IQCH: variants seen among roughly 807,000 people sequenced by gnomAD.
IQCH encodes IQ domain-containing protein H.
In IQCH, 98 loss-of-function variants were observed where a neutral mutation model predicts 117.0. The ratio of observed to expected loss-of-function variants is 0.84; its 90% CI spans 0.71 to 0.99. The LOEUF (loss-of-function observed/expected upper bound fraction) is 0.99. IQCH is among the 50% of genes least tolerant of loss of function. The pLI, the probability that IQCH is intolerant of heterozygous loss-of-function variation, is 0.00. For synonymous variants in IQCH, 412 were observed against 448.2 expected (o/e 0.92, Z 1.02); for missense variants, 1,102 against 1,243.8 (o/e 0.89, Z 1.72).
intron 4 of IQCH, among the ~76,000 whole-genome samples, chr15:67,319,804 T>A (rs1040977940): frequency 6.6e-6 from 1 of 152,214 alleles, no homozygotes; most frequent in Non-Finnish European, 1.5e-5. Context: ...ATATATTTTA[T>A]TTTGACAATC....
rs60266453 is a variant in IQCH at position 67,490,395 on chromosome 15, G to A, written c.2861+331G>A. Among the ~76,000 whole-genome samples the A allele has an allele frequency of 0.075, 11,365 of 151,940 alleles. 583 individuals carry two copies. Among genetic ancestry groups the A allele is most frequent in the East Asian group, 0.13 (680 of 5,148 alleles). ...TAATTTTTGTATTTTTAGTAGAGACGGGGTTTCATCATGTTGGCCAGGATG... is the reference window on the plus strand; with the variant it reads ...TAATTTTTGTATTTTTAGTAGAGACAGGGTTTCATCATGTTGGCCAGGATG... On this transcript the variant is annotated intron_variant, in intron 19 of 20. Coordinates refer to ENST00000335894, the MANE Select transcript of IQCH (RefSeq NM_001031715.3). The surrounding 1 kb of genome is among the most constrained non-coding windows in gnomAD (Gnocchi z 4.9).
At chr15:67,278,431 A>G (rs1483201639) in intron 3 of IQCH, among the ~76,000 whole-genome samples, 1 of 152,192 alleles carries the variant, frequency 6.6e-6, no homozygotes, top group Admixed American at 6.5e-5. Flanking sequence ...AAATTTGTCA[A>G]TTAGAGCTGA....
At position 67,401,007 on chromosome 15, in the gene IQCH, T is replaced by G. The variant is rs1419913164; in HGVS notation, c.2097+702T>G. Among the ~76,000 whole-genome samples the G allele has an allele frequency of 6.6e-6, 1 of 152,208 alleles. No individual in the cohort carries two copies. The highest frequency in any genetic ancestry group is 1.5e-5 in the Non-Finnish European group (1 of 68,038). The stretch of plus-strand genomic sequence containing the variant: ...ATGAGATAGAAATTCTATTAGTGAA[T>G]TGTTGTCACCTGGAAGCTAATGTAT... On this transcript the variant is annotated intron_variant, in intron 14 of 20. Transcript: ENST00000335894. The surrounding 1 kb of genome is among the most constrained non-coding windows in gnomAD (Gnocchi z 4.7).
rs1334495260 is a variant in IQCH, at chr15:67,474,190, A to G, written c.2677-1506A>G. Among the ~76,000 whole-genome samples the G allele has an allele frequency of 1.3e-5, 2 of 151,894 alleles. No individual in the cohort carries two copies. The highest frequency in any genetic ancestry group is 4.8e-5 in the African/African-American group (2 of 41,320). ...AGCCCCAGTTCCCTTGCGTTATCTC[A>G]GAGACAGGAGGCGAGCCAGAGGCCT... is the stretch of plus-strand genomic sequence containing the variant. On this transcript the variant is annotated intron_variant, in intron 17 of 20. Coordinates refer to ENST00000335894, the MANE Select transcript of IQCH (RefSeq NM_001031715.3). The surrounding 1 kb of genome is among the most constrained non-coding windows in gnomAD (Gnocchi z 4.1).
chr15:67,439,534 A>C lies in IQCH; in HGVS notation c.2505+17957A>C, dbSNP rs190554769. On this transcript the variant is annotated intron_variant, in intron 16 of 20. Transcript: ENST00000335894. ...AGAAAGGAAATTACCCAGCAGAAGA[A>C]AGGAAATTACCAAGATCAGAGCAGA... 6.0e-3 allele frequency among the ~76,000 whole-genome samples: 916 copies of C among 152,230 alleles called. 4 individuals are homozygous for C. The highest frequency in any genetic ancestry group is 0.01 in the Middle Eastern group (3 of 294).
At chr15:67,497,769 C>T (rs1275904769) in intron 20 of IQCH, among the ~76,000 whole-genome samples, 7 of 152,078 alleles carry the variant, frequency 4.6e-5, no homozygotes, top group East Asian at 3.9e-4. Flanking sequence ...GGATTACAGC[C>T]GTGAACCACC....
In IQCH at chr15:67,466,566, T is replaced by A. The variant is rs1195833251; in HGVS notation, c.2676+1269T>A. ...TCTGGATTTGAATAACCTTTGACTC[T>A]TCCCAGGATCTCTGCAGTCACCATA... On this transcript the variant is annotated intron_variant, in intron 17 of 20. Coordinates refer to ENST00000335894, the MANE Select transcript of IQCH (RefSeq NM_001031715.3). The surrounding 1 kb of genome is among the most constrained non-coding windows in gnomAD (Gnocchi z 4.4). 6.6e-6 allele frequency: 1 copy of A among 152,184 alleles called. No individual in the cohort carries two copies. Among genetic ancestry groups the A allele is most frequent in the Non-Finnish European group, 1.5e-5 (1 of 68,044 alleles). The allele number at this position is 152,184 out of a possible 1,614,324, so 9.4% of individuals were successfully genotyped here.
At chr15:67,464,081 G>A (rs1017125036) in intron 16 of IQCH, among the ~76,000 whole-genome samples, 3 of 152,078 alleles carry the variant, frequency 2.0e-5, no homozygotes, top group South Asian at 2.1e-4. Context: ...CTCCCACCTC[G>A]GCCTCCCAAA....
At chr15:67,402,665 A>G (rs1971712825) in intron 14 of IQCH, among the ~76,000 whole-genome samples, 1 of 152,234 alleles carries the variant, frequency 6.6e-6, no homozygotes, top group Non-Finnish European at 1.5e-5. Flanking sequence ...CTTCTTGATG[A>G]AAGACTATCC....
chr15:67,310,802 A>T (rs936968603), intron 4 of IQCH, among the ~76,000 whole-genome samples: 7 of 152,174 alleles, frequency 4.6e-5, no homozygotes, highest in Non-Finnish European at 7.4e-5. Flanking sequence ...TAATGTCAAA[A>T]TTTGGACTCA....
intron 16 of IQCH, among the ~76,000 whole-genome samples, chr15:67,442,865 TATAC>T (rs770840969): frequency 2.2e-4 from 28 of 127,966 alleles, no homozygotes; most frequent in African/African-American, 5.2e-4. Flanking sequence ...GATAGATAGA[TATAC>T]ATATATATAT....
intron 16 of IQCH, among the ~76,000 whole-genome samples, chr15:67,437,112 T>C (rs2082157788): frequency 6.6e-6 from 1 of 152,104 alleles, no homozygotes; most frequent in African/African-American, 2.4e-5. Context: ...AAATAGAGCA[T>C]TAAACTACCA....
In IQCH at chr15:67,372,477, A is replaced by G. The variant is rs1345166287; in HGVS notation, c.1120A>G (p.Met374Val). The stretch of plus-strand genomic sequence containing the variant: ...CCAAGATGGAAATTCGGAGGCCGCC[A>G]TGAAGATCCAAGCCACATGGAAATG... ...KGQDGNSEAA[M>V]KIQATWKCYK... The change falls in exon 9 of 21, where the codon ATG becomes GTG. Residue 374 changes from methionine to valine, a missense_variant. By Grantham distance (21) the Met-to-Val change is conservative. Coordinates refer to ENST00000335894, the MANE Select transcript of IQCH (RefSeq NM_001031715.3). 6.2e-7 allele frequency: 1 copy of G among 1,614,080 alleles called. No homozygotes were observed. Among genetic ancestry groups the G allele is most frequent in the South Asian group, 1.1e-5 (1 of 91,064 alleles).
chr15:67,471,437 T>C (rs2083069553), intron 17 of IQCH, among the ~76,000 whole-genome samples: 2 of 152,174 alleles, frequency 1.3e-5, no homozygotes, highest in Admixed American at 1.3e-4. Flanking sequence ...ATGAGCTTAT[T>C]TGATCCCCAT....
At chr15:67,333,569 CTT>C (rs760294206) in intron 4 of IQCH, among the ~76,000 whole-genome samples, 1 of 152,026 alleles carries the variant, frequency 6.6e-6, no homozygotes, top group Non-Finnish European at 1.5e-5. Flanking sequence ...AAACTTTTGT[CTT>C]TTGTATTTCT....
chr15:67,454,450 A>G lies in IQCH; in HGVS notation c.2506-10677A>G, dbSNP rs755292186. Among the ~76,000 whole-genome samples the G allele has an allele frequency of 6.6e-6, 1 of 152,196 alleles. No individual in the cohort carries two copies. Among genetic ancestry groups the G allele is most frequent in the Non-Finnish European group, 1.5e-5 (1 of 68,036 alleles). On this transcript the variant is annotated intron_variant, in intron 16 of 20. Coordinates refer to ENST00000335894, the MANE Select transcript of IQCH (RefSeq NM_001031715.3). This position sits in a 1 kb window ranked among gnomAD's most constrained non-coding sequence, Gnocchi z 5.2. ...CAAAATTCACACTTTTAAAATATACATTACAATGGTTTTTAGTATATTCAC... is the reference window on the plus strand; with the variant it reads ...CAAAATTCACACTTTTAAAATATACGTTACAATGGTTTTTAGTATATTCAC...
At chr15:67,327,579 T>C (rs1389023678) in intron 4 of IQCH, among the ~76,000 whole-genome samples, 1 of 152,230 alleles carries the variant, frequency 6.6e-6, no homozygotes, top group Non-Finnish European at 1.5e-5. Context: ...GAACTTTTAT[T>C]GTTATGAACA....
chr15:67,254,963 C>T lies in IQCH; in HGVS notation c.51+16C>T, dbSNP rs3743347. On this transcript the variant is annotated intron_variant, in intron 1 of 20. Coordinates refer to ENST00000335894, the MANE Select transcript of IQCH (RefSeq NM_001031715.3). Reference sequence around the variant, plus strand: ...CTTAATCCAGGTGGGAAACGGGCTTCCCCCGGCCCTGCCCTGCCCAGCCGC... The same window carrying T: ...CTTAATCCAGGTGGGAAACGGGCTTTCCCCGGCCCTGCCCTGCCCAGCCGC... The T allele has an allele frequency of 1.9e-6, 3 of 1,608,712 alleles. No homozygotes were observed. The African/African-American group carries it at 4.0e-5, about 22-fold the overall frequency.
chr15:67,387,438 C>T lies in IQCH; in HGVS notation c.1457-1393C>T, dbSNP rs1971142410. On this transcript the variant is annotated intron_variant, in intron 11 of 20. Coordinates refer to ENST00000335894, the MANE Select transcript of IQCH (RefSeq NM_001031715.3). The surrounding 1 kb of genome is among the most constrained non-coding windows in gnomAD (Gnocchi z 4.8). ...TTGAGTGACTCCTACATACTCCACA[C>T]TGTGCCAGGGCTTAGGGGAATATAA... Among the ~76,000 whole-genome samples, 1 of 152,146 alleles carries T rather than the reference C, an allele frequency of 6.6e-6. No individual in the cohort carries two copies. The highest frequency in any genetic ancestry group is 1.5e-5 in the Non-Finnish European group (1 of 68,028).
Sources: gnomAD v4.1 joint callset for allele counts (sites outside exome capture counted in the v4.1 genomes callset) on GRCh38, gnomAD v4.1.1 for gene constraint, Gnocchi (gnomAD v3.1) non-coding constraint, MANE v1.5 for transcripts, NCBI Gene and HGNC (gene_info 2026-07-23, HGNC 2026-07-21) for gene names.